The following BCL7B variants were observed in gnomAD, a reference collection of about 807,000 sequenced individuals.
The protein encoded by BCL7B is BAF chromatin remodeling complex subunit BCL7B.
BCL7B carries 11 observed loss-of-function variants against 26.5 expected under a neutral mutation model. That is an observed-to-expected ratio of 0.42 (90% CI 0.26 to 0.69). The LOEUF is 0.69. BCL7B is among the 30% of genes least tolerant of loss of function. BCL7B has a pLI of 0.28. For missense variants in BCL7B, 215 were observed against 264.4 expected (o/e 0.81, Z 1.30); for synonymous variants, 111 against 107.9 (o/e 1.03, Z -0.18).
At chr7:73,542,758 T>G (rs1171283871) in intron 3 of BCL7B, 3 of 282,838 alleles carry the variant, frequency 1.1e-5, no homozygotes, top group Non-Finnish European at 2.2e-5. Flanking sequence ...AGCTTCGGCT[T>G]TGGGTAGCCT....
In BCL7B at chr7:73,543,793, G is replaced by A. The variant is rs1232758234; in HGVS notation, c.169-149C>T. ...CGTGAGAATCCAAGGACCCAAGGAAGAACAGAATCCTGGACAAGCAACTTC... is the reference window on the plus strand; with the variant it reads ...CGTGAGAATCCAAGGACCCAAGGAAAAACAGAATCCTGGACAAGCAACTTC... On this transcript the variant is annotated intron_variant, in intron 2 of 5. Coordinates refer to ENST00000223368, the MANE Select transcript of BCL7B (RefSeq NM_001707.4). 2.0e-5 allele frequency: 12 copies of A among 607,310 alleles called. 1 individual carries two copies. Among genetic ancestry groups the A allele is most frequent in the Middle Eastern group, 9.1e-4 (2 of 2,188 alleles). The allele number at this position is 607,310 out of a possible 1,614,324, so 37.6% of individuals were successfully genotyped here. A position where few individuals can be genotyped will look rare whatever the true frequency, so the allele number is the denominator to read the frequency against.
chr7:73,539,253 C>CCCAATTTAA (rs1791659671), intron 4 of BCL7B, among the ~76,000 whole-genome samples: 1 of 150,576 alleles, frequency 6.6e-6, no homozygotes, highest in African/African-American at 2.4e-5. Context: ...AGCCACCGCG[C>CCCAATTTAA]CAGGTCTTTT....
chr7:73,552,811 A>G (rs1792227265), intron 1 of BCL7B, among the ~76,000 whole-genome samples: 1 of 152,148 alleles, frequency 6.6e-6, no homozygotes, highest in African/African-American at 2.4e-5. Flanking sequence ...GATGTGGGAC[A>G]TAAGGCTGGA....
intron 3 of BCL7B, among the ~76,000 whole-genome samples, chr7:73,543,094 T>C (rs1029472425): frequency 1.3e-5 from 2 of 152,084 alleles, no homozygotes; most frequent in Non-Finnish European, 2.9e-5. Context: ...TGCAGAGTTA[T>C]CGTGAAGTTT....
chr7:73,541,173 A>C (rs1223693954), intron 3 of BCL7B, among the ~76,000 whole-genome samples: 1 of 152,092 alleles, frequency 6.6e-6, no homozygotes, highest in Non-Finnish European at 1.5e-5. Context: ...AATTAAAAAA[A>C]AAGAAAAAAA....
At chr7:73,544,613 G>A (rs754406274) in intron 2 of BCL7B, among the ~76,000 whole-genome samples, 3 of 151,980 alleles carry the variant, frequency 2.0e-5, no homozygotes, top group Non-Finnish European at 2.9e-5. Context: ...GCGAAAGAGC[G>A]AAACTCCATC....
chr7:73,557,117 A>G (rs1462089641), intron 1 of BCL7B: 13 of 995,884 alleles, frequency 1.3e-5, no homozygotes, highest in Non-Finnish European at 1.6e-5. Context: ...GCTATTATCA[A>G]GAGGAAGCCT....
intron 2 of BCL7B, among the ~76,000 whole-genome samples, chr7:73,548,608 C>G (rs1215011873): frequency 2.0e-5 from 3 of 151,572 alleles, no homozygotes; most frequent in African/African-American, 7.3e-5. Context: ...CAGATTGAAA[C>G]CGTGTCTTAC....
At chr7:73,550,615 T>G (rs150248442) in intron 2 of BCL7B, among the ~76,000 whole-genome samples, 3,431 of 150,416 alleles carry the variant, frequency 0.023, 65 homozygotes, top group Non-Finnish European at 0.033. Flanking sequence ...AAAGAGGTTC[T>G]GGCAAAATAC....
At chr7:73,542,794 A>G in intron 3 of BCL7B, 1 of 350,778 alleles carries the variant, frequency 2.9e-6, no homozygotes, top group South Asian at 2.1e-5. Flanking sequence ...GATAAAACAT[A>G]CAGTCTAGGC....
intron 3 of BCL7B, 177 bp from the exon 4 acceptor site, chr7:73,540,229 C>G: frequency 1.5e-6 from 1 of 650,356 alleles, no homozygotes; most frequent in Non-Finnish European, 2.6e-6. Context: ...CAGCCAGAAT[C>G]TTTATGTTTA....
At chr7:73,540,213 C>G in intron 3 of BCL7B, 161 bp from the exon 4 acceptor site, 1 of 694,500 alleles carries the variant, frequency 1.4e-6, no homozygotes, top group Non-Finnish European at 2.4e-6. Flanking sequence ...TTCTAAGCAC[C>G]AGAGGCAGCC....
chr7:73,537,196 C>G lies in BCL7B; in HGVS notation c.*102G>C. On this transcript the variant is annotated 3_prime_UTR_variant, in exon 6 of 6. Coordinates refer to ENST00000223368, the MANE Select transcript of BCL7B (RefSeq NM_001707.4). ...AGCCCGGAAGGCTCATGTGTGCAGG[C>G]TCTTGACCCCAGTGCTTGCCCTTAC... 8.8e-7 allele frequency: 1 copy of G among 1,133,032 alleles called. No homozygotes were observed. The highest frequency in any genetic ancestry group is 1.8e-5 in the Admixed American group (1 of 55,732). 70.2% of individuals were successfully genotyped at this position (1,133,032 alleles called of 1,614,324 possible).
intron 3 of BCL7B, among the ~76,000 whole-genome samples, chr7:73,543,277 A>G (rs1468563827): frequency 1.3e-5 from 2 of 151,930 alleles, no homozygotes; most frequent in East Asian, 1.9e-4. Context: ...CCTGGGTTTA[A>G]GCGATTCTCC....
intron 2 of BCL7B, among the ~76,000 whole-genome samples, 192 bp downstream of exon 2, chr7:73,551,975 C>A (rs532631395): frequency 4.0e-5 from 6 of 151,758 alleles, no homozygotes; most frequent in Non-Finnish European, 7.4e-5. Flanking sequence ...ATGCCTGTAA[C>A]CCCAGCTACT....
chr7:73,549,661 A>C (rs1438987087), intron 2 of BCL7B, among the ~76,000 whole-genome samples: 2 of 152,116 alleles, frequency 1.3e-5, no homozygotes, highest in African/African-American at 4.8e-5. Flanking sequence ...AAAACAAACA[A>C]AAAAAAGAAA....
In BCL7B at chr7:73,543,786, C is replaced by A. The variant is rs1254637158; in HGVS notation, c.169-142G>T. On this transcript the variant is annotated intron_variant, in intron 2 of 5. Transcript: ENST00000223368. ...ACAGCAGCGTGAGAATCCAAGGACC[C>A]AAGGAAGAACAGAATCCTGGACAAG... The A allele has an allele frequency of 1.1e-5, 7 of 620,832 alleles. No homozygotes were observed. In the African/African-American group the frequency reaches 1.3e-4, roughly 12 times the overall value. 38.5% of individuals were successfully genotyped at this position (620,832 alleles called of 1,614,324 possible).
Position 73,543,638 on chromosome 7 carries a change from T to C in BCL7B, c.175A>G (p.Lys59Glu), listed in dbSNP as rs200668235. 2 of 1,613,118 alleles carry C rather than the reference T, an allele frequency of 1.2e-6. No individual in the cohort carries two copies. Among genetic ancestry groups the C allele is most frequent in the East Asian group, 2.2e-5 (1 of 44,844 alleles). ...GCTGCTGAACTGTTCGATTTTGACT[T>C]TTCTTTCTAGAAAAGGAAAAAAAGA... is the stretch of plus-strand genomic sequence containing the variant. ...VPVTDSKEKE[K>E]SKSNSSAARE... is the part of the protein sequence containing the mutation. Residue 59 changes from lysine (K) to glutamate (E), a missense_variant, in exon 3 of 6, where the codon AAG becomes GAG. Physicochemically the swap from Lys to Glu is moderately conservative, Grantham distance 56. Transcript: ENST00000223368.
chr7:73,539,861 C>A, intron 4 of BCL7B, 21 bp downstream of exon 4: 1 of 1,607,816 alleles, frequency 6.2e-7, no homozygotes. Context: ...GGAAACTCAT[C>A]CTCGGCCAAC....
Sources: gnomAD v4.1 joint callset for allele counts (sites outside exome capture counted in the v4.1 genomes callset) on GRCh38, gnomAD v4.1.1 for gene constraint, MANE v1.5 for transcripts, NCBI Gene and HGNC (gene_info 2026-07-23, HGNC 2026-07-21) for gene names.